Variants in ERC2 observed in about 807,000 individuals in gnomAD.
ERC2 encodes ELKS/RAB6-interacting/CAST family member 2.
Under a neutral mutation model 114.8 loss-of-function variants are expected in ERC2, and 42 were observed. That is an observed-to-expected ratio of 0.37 (90% CI 0.29 to 0.47). The LOEUF (loss-of-function observed/expected upper bound fraction) is 0.47. Ranked by LOEUF, ERC2 falls within the 20% of genes least tolerant of loss-of-function variation. The pLI, the probability that ERC2 is intolerant of heterozygous loss-of-function variation, is 0.99. For synonymous variants in ERC2, 454 were observed against 425.5 expected (o/e 1.07, Z -0.82); for missense variants, 939 against 1,150.7 (o/e 0.82, Z 2.66).
intron 16 of ERC2, among the ~76,000 whole-genome samples, chr3:55,695,974 A>T (rs2062907912): frequency 6.6e-6 from 1 of 152,198 alleles, no homozygotes; most frequent in Non-Finnish European, 1.5e-5. Flanking sequence ...TGTAATATGG[A>T]GCACTTTCAC....
intron 13 of ERC2, among the ~76,000 whole-genome samples, chr3:55,933,216 A>AG: frequency 6.6e-6 from 1 of 151,958 alleles, no homozygotes; most frequent in East Asian, 1.9e-4. Context: ...CTCAAAAAAA[A>AG]AAAAAAGAGA....
chr3:56,311,265 A>C (rs367637147), intron 2 of ERC2, among the ~76,000 whole-genome samples: 20,835 of 79,754 alleles, frequency 0.26, 2,226 homozygotes, highest in East Asian at 0.36. Flanking sequence ...CTATATATAT[A>C]TATATATATA....
intron 17 of ERC2, among the ~76,000 whole-genome samples, chr3:55,664,104 G>C (rs2061256413): frequency 6.6e-6 from 1 of 152,144 alleles, no homozygotes; most frequent in Admixed American, 6.5e-5. Context: ...AGAGTTGCCA[G>C]ATAAAATATA....
At chr3:55,898,986 T>C (rs1397148215) in intron 13 of ERC2, among the ~76,000 whole-genome samples, 1 of 152,248 alleles carries the variant, frequency 6.6e-6, no homozygotes, top group Non-Finnish European at 1.5e-5. Flanking sequence ...TGCCACTAAC[T>C]ACATGCGGCA....
At chr3:56,453,797 T>C (rs1328644915) in intron 1 of ERC2, among the ~76,000 whole-genome samples, 2 of 152,196 alleles carry the variant, frequency 1.3e-5, no homozygotes, top group Non-Finnish European at 2.9e-5. Flanking sequence ...AGGCAATCAC[T>C]GGAAAAGCCG....
chr3:55,837,971 TA>T (rs59297667), intron 14 of ERC2, among the ~76,000 whole-genome samples: 4 of 149,892 alleles, frequency 2.7e-5, no homozygotes, highest in Admixed American at 1.3e-4. Flanking sequence ...TACCAGGAAT[TA>T]AAAAAAAAGA....
chr3:55,986,505 C>T (rs551032704), intron 11 of ERC2, among the ~76,000 whole-genome samples: 5 of 152,228 alleles, frequency 3.3e-5, no homozygotes, highest in African/African-American at 1.2e-4. Flanking sequence ...AGGAGCTGAG[C>T]AATTTGGCTT....
At chr3:56,168,134 A>G (rs1209387707) in intron 4 of ERC2, among the ~76,000 whole-genome samples, 10 of 152,216 alleles carry the variant, frequency 6.6e-5, no homozygotes, top group Non-Finnish European at 1.5e-4. Flanking sequence ...TCAGCTGCCA[A>G]TCTGACTAGC....
chr3:55,754,900 T>A (rs2066951779), intron 14 of ERC2, among the ~76,000 whole-genome samples: 1 of 152,124 alleles, frequency 6.6e-6, no homozygotes, highest in Non-Finnish European at 1.5e-5. Context: ...GCAAAATAAC[T>A]GTATTGTATT....
At chr3:55,993,680 C>CAA (rs138895783) in intron 10 of ERC2, among the ~76,000 whole-genome samples, 1,551 of 145,594 alleles carry the variant, frequency 0.011, 99 homozygotes, top group Admixed American at 0.083. Flanking sequence ...CTCAATTACA[C>CAA]AAAAAAAAAA....
At chr3:55,776,185 G>A (rs1432708330) in intron 14 of ERC2, among the ~76,000 whole-genome samples, 2 of 132,270 alleles carry the variant, frequency 1.5e-5, no homozygotes, top group Non-Finnish European at 3.2e-5. Flanking sequence ...AACTGACCAA[G>A]TGAACTGGAA....
intron 17 of ERC2, among the ~76,000 whole-genome samples, chr3:55,586,920 T>A (rs892137564): frequency 6.6e-6 from 1 of 152,212 alleles, no homozygotes; most frequent in Non-Finnish European, 1.5e-5. Context: ...AAAAGAAATA[T>A]AATTGAAATC....
chr3:55,952,621 T>C (rs951715422), intron 12 of ERC2, among the ~76,000 whole-genome samples: 9 of 152,154 alleles, frequency 5.9e-5, no homozygotes, highest in Non-Finnish European at 1.2e-4. Context: ...ATTAGTGTGA[T>C]TGTTTAATTA....
At chr3:55,678,335 G>C (rs1269864801) in intron 17 of ERC2, among the ~76,000 whole-genome samples, 1 of 152,144 alleles carries the variant, frequency 6.6e-6, no homozygotes, top group African/African-American at 2.4e-5. Context: ...CAATTATCAA[G>C]AGCAATCAAA....
intron 3 of ERC2, among the ~76,000 whole-genome samples, chr3:56,189,890 G>A (rs1197122057): frequency 1.3e-5 from 2 of 152,174 alleles, no homozygotes; most frequent in African/African-American, 4.8e-5. Context: ...TATGGCATTT[G>A]CCCTTATTTT....
At chr3:55,773,640 G>A (rs952055478) in intron 14 of ERC2, among the ~76,000 whole-genome samples, 1 of 152,176 alleles carries the variant, frequency 6.6e-6, no homozygotes, top group Non-Finnish European at 1.5e-5. Flanking sequence ...CCCACCATCC[G>A]GAATGGTGCT....
chr3:56,300,011 C>T (rs761126184), intron 2 of ERC2, among the ~76,000 whole-genome samples: 1 of 152,128 alleles, frequency 6.6e-6, no homozygotes, highest in Non-Finnish European at 1.5e-5. Context: ...GGACACATTC[C>T]TTATTGCCCT....
At chr3:55,900,518 G>T (rs2064076909) in intron 13 of ERC2, among the ~76,000 whole-genome samples, 1 of 152,104 alleles carries the variant, frequency 6.6e-6, no homozygotes, top group African/African-American at 2.4e-5. Context: ...AAGAAAATGG[G>T]TTTCCTTTAC....
chr3:55,898,403 G>A (rs2063945396), intron 13 of ERC2, among the ~76,000 whole-genome samples: 1 of 152,134 alleles, frequency 6.6e-6, no homozygotes, highest in Non-Finnish European at 1.5e-5. Flanking sequence ...AGCAGTATAG[G>A]GATAGTAAAG....
Sources: gnomAD v4.1 joint callset for allele counts (sites outside exome capture counted in the v4.1 genomes callset) on GRCh38, gnomAD v4.1.1 for gene constraint, MANE v1.5 for transcripts, NCBI Gene and HGNC (gene_info 2026-07-23, HGNC 2026-07-21) for gene names.